Variants in MYT1L observed in about 807,000 individuals in gnomAD.
MYT1L encodes myelin transcription factor 1 like.
In MYT1L, 12 loss-of-function variants were observed where a neutral mutation model predicts 126.7. That is an observed-to-expected ratio of 0.09 (90% CI 0.06 to 0.15). The LOEUF (loss-of-function observed/expected upper bound fraction) is 0.15. MYT1L is among the 10% of genes least tolerant of loss of function. The probability of loss-of-function intolerance (pLI) is 1.00; values close to 1 mark genes in which losing one functional copy is unlikely to be tolerated. For synonymous variants in MYT1L, 541 were observed against 604.2 expected (o/e 0.90, Z 1.53); for missense variants, 979 against 1,585.2 (o/e 0.62, Z 6.49).
At chr2:2,053,932 T>C (rs1232129466) in intron 4 of MYT1L, 46 bp downstream of exon 4, 1 of 152,700 alleles carries the variant, frequency 6.5e-6, no homozygotes, top group Non-Finnish European at 1.5e-5. Flanking sequence ...AAAACACCTG[T>C]CTGCATGTAA....
chr2:1,907,132 A>G (rs1428017670), intron 13 of MYT1L, among the ~76,000 whole-genome samples: 2 of 127,704 alleles, frequency 1.6e-5, no homozygotes, highest in Admixed American at 1.5e-4. Context: ...TTTTTTAATT[A>G]AAAAAAAAAA....
At chr2:2,200,707 G>A (rs951142206) in intron 2 of MYT1L, among the ~76,000 whole-genome samples, 3 of 152,188 alleles carry the variant, frequency 2.0e-5, no homozygotes, top group Non-Finnish European at 2.9e-5. Flanking sequence ...AGCCTTCCAA[G>A]GCCACATTTT....
intron 22 of MYT1L, among the ~76,000 whole-genome samples, chr2:1,803,811 G>A (rs944823589): frequency 2.6e-5 from 4 of 151,776 alleles, no homozygotes; most frequent in Non-Finnish European, 2.9e-5. Context: ...AGGAAGAACC[G>A]GCAGGTCACA....
chr2:2,182,515 TTCTC>T lies in MYT1L; in HGVS notation c.-420-9531_-420-9528del, dbSNP rs147614079. Among the ~76,000 whole-genome samples the T allele has an allele frequency of 3.0e-3, 460 of 152,210 alleles. 3 individuals are homozygous for T. The highest frequency in any genetic ancestry group is 0.011 in the African/African-American group (449 of 41,552). Reference sequence around the variant, plus strand: ...CACACCCATGTACCCCCCACACTCTTTCTCTCTCATTTTCAGTCTGTATTTCACA... The same window carrying T: ...CACACCCATGTACCCCCCACACTCTTTCTCATTTTCAGTCTGTATTTCACA... On this transcript the variant is annotated intron_variant, in intron 2 of 24. Coordinates refer to ENST00000647738, the MANE Select transcript of MYT1L (RefSeq NM_001303052.2).
intron 3 of MYT1L, among the ~76,000 whole-genome samples, chr2:2,168,912 T>TGCTATCTGAAGGGGAACC (rs1448175098): frequency 6.6e-6 from 1 of 152,198 alleles, no homozygotes; most frequent in Non-Finnish European, 1.5e-5. Context: ...ACTGGGGAGC[T>TGCTATCTGAAGGGGAACC]GCTATCTGAA....
chr2:1,911,037 C>T (rs939759183), intron 12 of MYT1L, among the ~76,000 whole-genome samples: 2 of 152,152 alleles, frequency 1.3e-5, no homozygotes, highest in Non-Finnish European at 2.9e-5. Context: ...TATGCACAGA[C>T]GCTCACCCCA....
intron 4 of MYT1L, among the ~76,000 whole-genome samples, chr2:2,017,407 A>T (rs1343041290): frequency 6.6e-6 from 1 of 152,234 alleles, no homozygotes; most frequent in Non-Finnish European, 1.5e-5. Context: ...CTGATTTGAA[A>T]AAGGAAGCTA....
chr2:2,253,764 G>A (rs1180913101), intron 2 of MYT1L, among the ~76,000 whole-genome samples: 1 of 151,822 alleles, frequency 6.6e-6, no homozygotes, highest in Non-Finnish European at 1.5e-5. Flanking sequence ...AGGGCAAGTC[G>A]GAAACAGGAA....
chr2:1,937,903 G>A (rs893972681), intron 9 of MYT1L, among the ~76,000 whole-genome samples: 4 of 152,096 alleles, frequency 2.6e-5, no homozygotes, highest in South Asian at 2.1e-4. Flanking sequence ...TGGAGAACGC[G>A]ATACAGGAAG....
In MYT1L at chr2:1,917,218, C is replaced by T. The variant is rs372578176; in HGVS notation, c.1605G>A (p.Arg535=). The change falls in exon 11 of 25, where the codon AGG becomes AGA. Residue 535 remains arginine, a synonymous_variant. Transcript: ENST00000647738. This position sits in a 1 kb window ranked among gnomAD's most constrained non-coding sequence, Gnocchi z 5.9. ...RSLSGCPHKD[R]VPPEILAMHE... ...ACGTGGACTTACTTTCTGGAGGGAC[C>T]CTATCTTTGTGCGGGCATCCGGACA... 3.8e-5 allele frequency: 61 copies of T among 1,612,846 alleles called. No individual in the cohort carries two copies. The highest frequency in any genetic ancestry group is 4.8e-5 in the Non-Finnish European group (57 of 1,179,206).
At chr2:2,209,139 C>T (rs1205833455) in intron 2 of MYT1L, among the ~76,000 whole-genome samples, 2 of 152,082 alleles carry the variant, frequency 1.3e-5, no homozygotes, top group African/African-American at 4.8e-5. Flanking sequence ...TAGGTGTACA[C>T]ATTTATGGAT....
chr2:1,962,953 G>A (rs564689407), intron 8 of MYT1L, among the ~76,000 whole-genome samples: 4 of 152,308 alleles, frequency 2.6e-5, no homozygotes, highest in African/African-American at 4.8e-5. Context: ...CATGAATCAC[G>A]AATGTACTTA....
At chr2:1,893,162 G>A (rs970348227) in intron 14 of MYT1L, among the ~76,000 whole-genome samples, 2 of 152,144 alleles carry the variant, frequency 1.3e-5, no homozygotes, top group African/African-American at 2.4e-5. Context: ...AGCACTGAGG[G>A]GCAAGGGTTA....
intron 8 of MYT1L, among the ~76,000 whole-genome samples, chr2:1,966,029 C>T (rs146580886): frequency 6.6e-6 from 1 of 152,366 alleles, no homozygotes. Flanking sequence ...GTCTGGCCAC[C>T]TAGCTCCCCT....
intron 2 of MYT1L, among the ~76,000 whole-genome samples, chr2:2,264,221 C>T (rs1449392696): frequency 6.6e-6 from 1 of 152,128 alleles, no homozygotes; most frequent in African/African-American, 2.4e-5. Context: ...TCATGCAAGT[C>T]TGACTGGCAA....
At chr2:2,221,240 A>G (rs6731821) in intron 2 of MYT1L, among the ~76,000 whole-genome samples, 110,818 of 151,388 alleles carry the variant, frequency 0.73, 40,841 homozygotes, top group East Asian at 0.84. Context: ...TGAGGAGGGC[A>G]GACTGGGAGC....
At chr2:2,066,180 T>C (rs1267652807) in intron 3 of MYT1L, among the ~76,000 whole-genome samples, 1 of 152,242 alleles carries the variant, frequency 6.6e-6, no homozygotes, top group African/African-American at 2.4e-5. Flanking sequence ...TTATATCTCA[T>C]GTTAGGTTAG....
intron 2 of MYT1L, among the ~76,000 whole-genome samples, chr2:2,190,874 C>T (rs1247306995): frequency 6.6e-6 from 1 of 152,204 alleles, no homozygotes; most frequent in East Asian, 1.9e-4. Flanking sequence ...CAACCTCCAC[C>T]TCCCAGGTTC....
At chr2:2,084,944 A>G (rs2076209654) in intron 3 of MYT1L, among the ~76,000 whole-genome samples, 3 of 152,192 alleles carry the variant, frequency 2.0e-5, no homozygotes, top group Non-Finnish European at 1.5e-5. Context: ...AAAGCCCATC[A>G]GAGGCAACCA....
Sources: allele counts gnomAD v4.1 joint callset (sites outside exome capture counted in the v4.1 genomes callset), GRCh38; gene constraint gnomAD v4.1.1; non-coding constraint Gnocchi (gnomAD v3.1); transcripts MANE v1.5; gene names NCBI Gene and HGNC (gene_info 2026-07-23, HGNC 2026-07-21).